CFAP58: variants seen among roughly 807,000 people sequenced by gnomAD.
CFAP58 encodes the protein cilia- and flagella-associated protein 58.
In CFAP58, 88 loss-of-function variants were observed where a neutral mutation model predicts 119.5. The ratio of observed to expected loss-of-function variants is 0.74; its 90% CI spans 0.62 to 0.88. The LOEUF is 0.88. CFAP58 is among the 40% of genes least tolerant of loss of function. The pLI is 0.00. For missense variants in CFAP58, 990 were observed against 1,021.2 expected (o/e 0.97, Z 0.42); for synonymous variants, 365 against 366.3 (o/e 1.00, Z 0.04).
chr10:104,376,656 T>A (rs544426552), intron 7 of CFAP58, among the ~76,000 whole-genome samples, 155 bp from the exon 8 acceptor site: 1 of 152,228 alleles, frequency 6.6e-6, no homozygotes, highest in South Asian at 2.1e-4. Flanking sequence ...GAGACCTACC[T>A]CACTTGGTTA....
chr10:104,445,332 A>C lies in CFAP58; in HGVS notation c.2257-2366A>C, dbSNP rs562325806. Among the ~76,000 whole-genome samples the C allele has an allele frequency of 2.0e-5, 3 of 151,828 alleles. No individual in the cohort carries two copies. In the East Asian group the frequency reaches 5.8e-4, roughly 29 times the overall value. ...AGTGAGACCCGGTCTCAAAAAAAAA[A>C]AAAACAACAACAACAACAAAAAACA... On this transcript the variant is annotated intron_variant, in intron 15 of 17. Coordinates refer to ENST00000369704, the MANE Select transcript of CFAP58 (RefSeq NM_001008723.2).
the CFAP58 span, among the ~76,000 whole-genome samples, chr10:104,346,633 C>CTTTTTTTT: frequency 2.6e-4 from 26 of 101,122 alleles, 2 homozygotes; most frequent in African/African-American, 3.4e-4. Context: ...GCCATTTAGT[C>CTTTTTTTT]TTTTTTTTTT....
intron 8 of CFAP58, among the ~76,000 whole-genome samples, 187 bp from the exon 9 acceptor site, chr10:104,379,840 ATG>A (rs1420599971): frequency 6.6e-6 from 1 of 152,198 alleles, no homozygotes; most frequent in African/African-American, 2.4e-5. Flanking sequence ...GTGTATTTAT[ATG>A]TGTGTTTAAA....
chr10:104,448,646 T>C (rs2013147664), intron 16 of CFAP58, among the ~76,000 whole-genome samples: 1 of 152,298 alleles, frequency 6.6e-6, no homozygotes, highest in African/African-American at 2.4e-5. Flanking sequence ...AGTATAGCCC[T>C]AACCCCTTCA....
chr10:104,403,451 C>T (rs184809004), intron 13 of CFAP58, among the ~76,000 whole-genome samples: 6 of 150,960 alleles, frequency 4.0e-5, no homozygotes, highest in African/African-American at 1.2e-4. Context: ...TTGTTCTTTT[C>T]GTATACTTAT....
intron 15 of CFAP58, among the ~76,000 whole-genome samples, chr10:104,412,233 T>TG (rs1168947987): frequency 6.6e-6 from 1 of 152,188 alleles, no homozygotes; most frequent in African/African-American, 2.4e-5. Flanking sequence ...ATCCATAAGT[T>TG]GGGGACAATA....
chr10:104,372,934 T>C (rs185250094), intron 7 of CFAP58, among the ~76,000 whole-genome samples: 104 of 152,322 alleles, frequency 6.8e-4, no homozygotes, highest in Non-Finnish European at 1.1e-3. Context: ...GTTAGGAGCA[T>C]GGGTCTCCCT....
chr10:104,357,992 T>C (rs868147437), intron 1 of CFAP58, among the ~76,000 whole-genome samples: 4 of 143,632 alleles, frequency 2.8e-5, no homozygotes, highest in African/African-American at 5.3e-5. Context: ...TGTACACATA[T>C]ATGTACACAT....
At chr10:104,364,528 T>C (rs1012367798) in intron 3 of CFAP58, among the ~76,000 whole-genome samples, 1 of 151,884 alleles carries the variant, frequency 6.6e-6, no homozygotes, top group Non-Finnish European at 1.5e-5. Context: ...TAAATTATAC[T>C]ATGCATGTTA....
chr10:104,357,928 TATACACACATATATGTACAC>T lies in CFAP58; in HGVS notation c.10-409_10-390del, dbSNP rs2014593705. Among the ~76,000 whole-genome samples the T allele has an allele frequency of 7.6e-5, 9 of 118,982 alleles. 1 individual carries two copies. The highest frequency in any genetic ancestry group is 1.9e-4 in the African/African-American group (4 of 21,290). 78.1% of individuals were successfully genotyped at this position (118,982 alleles called of 152,430 possible). ...ACATATACACACATATATGTACACA[TATACACACATATATGTACAC>T]ATATATACACATATATGTACACATA... is the stretch of plus-strand genomic sequence containing the variant. On this transcript the variant is annotated intron_variant, in intron 1 of 17. Coordinates refer to ENST00000369704, the MANE Select transcript of CFAP58 (RefSeq NM_001008723.2).
At chr10:104,375,394 A>G (rs2011637972) in intron 7 of CFAP58, among the ~76,000 whole-genome samples, 1 of 152,076 alleles carries the variant, frequency 6.6e-6, no homozygotes. Flanking sequence ...CTGTATTTCT[A>G]TTTACTTGTA....
intron 8 of CFAP58, among the ~76,000 whole-genome samples, chr10:104,377,677 C>T (rs1245500110): frequency 2.0e-5 from 3 of 152,190 alleles, no homozygotes; most frequent in Non-Finnish European, 4.4e-5. Flanking sequence ...AGTTTCATCT[C>T]ATCAAGGCAG....
At chr10:104,445,079 T>C (rs1471032994) in intron 15 of CFAP58, among the ~76,000 whole-genome samples, 1 of 151,882 alleles carries the variant, frequency 6.6e-6, no homozygotes, top group African/African-American at 2.4e-5. Context: ...TCACAGCACT[T>C]TGGGAGGCTG....
At chr10:104,421,397 C>G (rs2012656330) in intron 15 of CFAP58, among the ~76,000 whole-genome samples, 1 of 152,228 alleles carries the variant, frequency 6.6e-6, no homozygotes, top group African/African-American at 2.4e-5. Context: ...GCTGATGGCC[C>G]AGGCCATTAT....
chr10:104,358,678 T>G (rs1390849470), intron 2 of CFAP58, 56 bp downstream of exon 2: 7 of 1,529,512 alleles, frequency 4.6e-6, no homozygotes, highest in Non-Finnish European at 5.4e-6. Flanking sequence ...ATTCTCTCAT[T>G]ATATTGGCAC....
intron 16 of CFAP58, among the ~76,000 whole-genome samples, chr10:104,449,512 A>G (rs935778005): frequency 3.3e-5 from 5 of 152,168 alleles, no homozygotes; most frequent in African/African-American, 9.7e-5. Context: ...AAGGAAGCAG[A>G]TAGTCAGGCT....
chr10:104,413,139 T>G (rs908426688), intron 15 of CFAP58, among the ~76,000 whole-genome samples: 2 of 152,260 alleles, frequency 1.3e-5, no homozygotes, highest in African/African-American at 4.8e-5. Flanking sequence ...TATTAAAGGT[T>G]GAAAGATTTG....
At chr10:104,394,255 T>G (rs1171518004) in intron 11 of CFAP58, among the ~76,000 whole-genome samples, 2 of 152,228 alleles carry the variant, frequency 1.3e-5, no homozygotes, top group African/African-American at 4.8e-5. Context: ...CCAATAGATT[T>G]CCCTTCCAAT....
intron 9 of CFAP58, among the ~76,000 whole-genome samples, chr10:104,391,353 CCA>C (rs2012036369): frequency 6.6e-6 from 1 of 152,070 alleles, no homozygotes; most frequent in East Asian, 1.9e-4. Flanking sequence ...CTGTGTCCTC[CCA>C]TTGCAACCAT....
Sources: gnomAD v4.1 joint callset for allele counts (sites outside exome capture counted in the v4.1 genomes callset) on GRCh38, gnomAD v4.1.1 for gene constraint, MANE v1.5 for transcripts, NCBI Gene and HGNC (gene_info 2026-07-23, HGNC 2026-07-21) for gene names.